Variants in MAN2A1 observed in about 807,000 individuals in gnomAD.
MAN2A1 encodes the protein mannosidase alpha class 2A member 1.
MAN2A1 carries 76 observed loss-of-function variants against 142.6 expected under a neutral mutation model. The ratio of observed to expected loss-of-function variants is 0.53; its 90% CI spans 0.44 to 0.65. The LOEUF is 0.65. Among genes scored for constraint, MAN2A1 ranks in the 30% least tolerant of loss-of-function variants. The pLI is 0.00. For missense variants in MAN2A1, 1,311 were observed against 1,365.1 expected, an observed-to-expected ratio of 0.96 and a Z score of 0.62; for synonymous variants, 559 against 473.2, an observed-to-expected ratio of 1.18 and a Z score of -2.35.
chr5:109,860,888 A>G (rs761627094), intron 20 of MAN2A1, among the ~76,000 whole-genome samples: 20 of 152,208 alleles, frequency 1.3e-4, no homozygotes, highest in East Asian at 5.8e-4. Context: ...CCATCAGTCA[A>G]TACTCTCCTT....
chr5:109,776,952 C>T lies in MAN2A1; in HGVS notation c.1374+1987C>T, dbSNP rs540246504. ...TCCTTTTTAGTACTGTGTAGTATCT[C>T]TAGTATTCATTTTTTGATGAATATA... On this transcript the variant is annotated intron_variant, in intron 8 of 21. Coordinates refer to ENST00000261483, the MANE Select transcript of MAN2A1 (RefSeq NM_002372.4). 2.0e-4 allele frequency among the ~76,000 whole-genome samples: 31 copies of T among 152,188 alleles called. No individual in the cohort carries two copies. In the East Asian group the frequency reaches 5.6e-3, roughly 28 times the overall value.
At chr5:109,759,118 G>C (rs1193507162) in intron 5 of MAN2A1, among the ~76,000 whole-genome samples, 1 of 152,076 alleles carries the variant, frequency 6.6e-6, no homozygotes, top group Non-Finnish European at 1.5e-5. Context: ...AATTTTGCTA[G>C]TGGTTGTATT....
intron 7 of MAN2A1, among the ~76,000 whole-genome samples, chr5:109,773,085 G>C (rs994368568): frequency 5.9e-5 from 9 of 152,162 alleles, no homozygotes; most frequent in Non-Finnish European, 1.3e-4. Flanking sequence ...AATTGCATCT[G>C]TATGTTTTCA....
Position 109,767,717 on chromosome 5 carries a change from G to T in MAN2A1, c.1009+9G>T. 1.2e-6 allele frequency: 2 copies of T among 1,606,578 alleles called. No homozygotes were observed. The highest frequency in any genetic ancestry group is 1.7e-6 in the Non-Finnish European group (2 of 1,178,308). On this transcript the variant is annotated intron_variant, in intron 6 of 21. Coordinates refer to ENST00000261483, the MANE Select transcript of MAN2A1 (RefSeq NM_002372.4). The stretch of plus-strand genomic sequence containing the variant: ...TTGGAGACAGAATTGGGGTATGTAG[G>T]GTTTGATGAAAGTTGATCCCATTTG...
chr5:109,790,797 G>C (rs957536806), intron 12 of MAN2A1, among the ~76,000 whole-genome samples: 1 of 152,054 alleles, frequency 6.6e-6, no homozygotes, highest in Non-Finnish European at 1.5e-5. Context: ...CTGGTTATAA[G>C]AATAATATAT....
At chr5:109,831,804 C>CGTGT (rs1554082232) in intron 16 of MAN2A1, among the ~76,000 whole-genome samples, 6,552 of 148,464 alleles carry the variant, frequency 0.044, 173 homozygotes, top group Middle Eastern at 0.079. Context: ...AAACAAAAAT[C>CGTGT]ATGTGTGTGT....
At chr5:109,708,545 CAT>C (rs1491342372) in intron 1 of MAN2A1, among the ~76,000 whole-genome samples, 2,438 of 151,456 alleles carry the variant, frequency 0.016, 81 homozygotes, top group Middle Eastern at 0.041. Flanking sequence ...CACACACACA[CAT>C]GAGAAGGGAG....
intron 3 of MAN2A1, among the ~76,000 whole-genome samples, chr5:109,721,679 T>C (rs1751607747): frequency 6.6e-6 from 1 of 152,180 alleles, no homozygotes; most frequent in African/African-American, 2.4e-5. Flanking sequence ...AGATTCTGTT[T>C]TAGAGGAAGA....
chr5:109,807,427 T>C (rs2112706596), intron 12 of MAN2A1, among the ~76,000 whole-genome samples: 1 of 152,282 alleles, frequency 6.6e-6, no homozygotes, highest in Middle Eastern at 3.4e-3. Context: ...GTTTTGGGGG[T>C]CAGAAGTTCA....
intron 16 of MAN2A1, among the ~76,000 whole-genome samples, chr5:109,841,075 CTCTT>C (rs1338805977): frequency 6.6e-6 from 1 of 152,108 alleles, no homozygotes; most frequent in Non-Finnish European, 1.5e-5. Context: ...AATGATGTCA[CTCTT>C]TCTTCTTATG....
intron 7 of MAN2A1, 89 bp downstream of exon 7, chr5:109,770,630 A>G: frequency 9.1e-7 from 1 of 1,101,690 alleles, no homozygotes; most frequent in Non-Finnish European, 1.3e-6. Flanking sequence ...AATGGGCTTT[A>G]TTAGCCAACA....
intron 19 of MAN2A1, among the ~76,000 whole-genome samples, chr5:109,850,155 G>C (rs991804891): frequency 1.3e-5 from 2 of 152,152 alleles, no homozygotes; most frequent in Admixed American, 1.3e-4. Flanking sequence ...TGAGAGTGGG[G>C]AATGTGCCTT....
chr5:109,776,069 C>CTTTTTTT (rs35427592), intron 8 of MAN2A1, among the ~76,000 whole-genome samples: 1 of 134,942 alleles, frequency 7.4e-6, no homozygotes. Flanking sequence ...CTTTTAAAGT[C>CTTTTTTT]TTTTTTTTTT....
chr5:109,721,213 T>C (rs745555024), intron 3 of MAN2A1, among the ~76,000 whole-genome samples: 4 of 152,192 alleles, frequency 2.6e-5, no homozygotes, highest in Non-Finnish European at 5.9e-5. Context: ...AAGCTCAGGA[T>C]TGCCTGATTG....
At chr5:109,850,544 A>G (rs1024727897) in intron 19 of MAN2A1, among the ~76,000 whole-genome samples, 3 of 152,232 alleles carry the variant, frequency 2.0e-5, no homozygotes, top group African/African-American at 7.2e-5. Flanking sequence ...TAAATCAATC[A>G]CTGACAAGAT....
intron 12 of MAN2A1, among the ~76,000 whole-genome samples, chr5:109,790,917 C>T (rs1046871906): frequency 2.0e-5 from 3 of 152,024 alleles, no homozygotes; most frequent in African/African-American, 7.2e-5. Flanking sequence ...TTTAGTTTAT[C>T]TCCTTCCTTC....
intron 1 of MAN2A1, among the ~76,000 whole-genome samples, chr5:109,691,425 G>A (rs1446300470): frequency 6.6e-6 from 1 of 152,182 alleles, no homozygotes. Context: ...TGTGTAGTGT[G>A]TAGTGTGCTC....
chr5:109,745,864 G>A (rs1752389690), intron 4 of MAN2A1, among the ~76,000 whole-genome samples: 1 of 152,184 alleles, frequency 6.6e-6, no homozygotes, highest in Non-Finnish European at 1.5e-5. Context: ...TGATCCTCCT[G>A]CATTGGTCTC....
intron 3 of MAN2A1, among the ~76,000 whole-genome samples, chr5:109,717,414 G>A (rs1369281583): frequency 6.6e-6 from 1 of 152,128 alleles, no homozygotes; most frequent in African/African-American, 2.4e-5. Context: ...TGGATTTCTA[G>A]ACTACAGTGC....
Sources: gnomAD v4.1 joint callset for allele counts (sites outside exome capture counted in the v4.1 genomes callset) on GRCh38, gnomAD v4.1.1 for gene constraint, MANE v1.5 for transcripts, NCBI Gene and HGNC (gene_info 2026-07-23, HGNC 2026-07-21) for gene names.